The following CTNNA2 variants were observed in gnomAD, a reference collection of about 807,000 sequenced individuals.
CTNNA2 encodes catenin alpha-2.
In CTNNA2, 42 loss-of-function variants were observed where a neutral mutation model predicts 101.0. That is an observed-to-expected ratio of 0.42 (90% CI 0.32 to 0.54). CTNNA2 has a LOEUF of 0.54. CTNNA2 is among the 20% of genes least tolerant of loss of function. The pLI is 0.14. For synonymous variants in CTNNA2, 450 were observed against 456.4 expected, an observed-to-expected ratio of 0.99 and a Z score of 0.18; for missense variants, 871 against 1,223.1, an observed-to-expected ratio of 0.71 and a Z score of 4.29.
chr2:79,358,543 G>C (rs1439830968), intron 3 of CTNNA2, among the ~76,000 whole-genome samples: 1 of 152,078 alleles, frequency 6.6e-6, no homozygotes, highest in East Asian at 1.9e-4. Context: ...TATCTGTAAA[G>C]AAACAAGCAT....
At chr2:79,626,507 A>T (rs1679312559) in intron 1 of CTNNA2, among the ~76,000 whole-genome samples, 1 of 152,108 alleles carries the variant, frequency 6.6e-6, no homozygotes, top group Non-Finnish European at 1.5e-5. Flanking sequence ...GCTCTGTGCA[A>T]ATTTAACCAA....
intron 7 of CTNNA2, among the ~76,000 whole-genome samples, chr2:80,027,646 G>T (rs950202700): frequency 4.6e-5 from 7 of 152,016 alleles, no homozygotes; most frequent in Non-Finnish European, 1.0e-4. Flanking sequence ...ATCAGATTTG[G>T]AGTACCATTA....
At chr2:80,611,007 T>C (rs1036320324) in intron 17 of CTNNA2, among the ~76,000 whole-genome samples, 3 of 89,706 alleles carry the variant, frequency 3.3e-5, no homozygotes, top group Non-Finnish European at 6.0e-5. Flanking sequence ...GGCAATTAGG[T>C]TTTTTTTTTT....
At chr2:79,439,798 C>G (rs1284837503) in intron 4 of CTNNA2, among the ~76,000 whole-genome samples, 1 of 152,058 alleles carries the variant, frequency 6.6e-6, no homozygotes, top group African/African-American at 2.4e-5. Context: ...GCACCCCAGA[C>G]CTACTAAATC....
intron 7 of CTNNA2, among the ~76,000 whole-genome samples, chr2:80,056,322 T>C (rs148850618): frequency 6.6e-6 from 1 of 152,288 alleles, no homozygotes; most frequent in African/African-American, 2.4e-5. Context: ...TTACACAATT[T>C]CCTTCACACC....
intron 9 of CTNNA2, among the ~76,000 whole-genome samples, chr2:80,439,293 A>T (rs184038218): frequency 6.6e-6 from 1 of 152,302 alleles, no homozygotes; most frequent in East Asian, 1.9e-4. Context: ...CTGCATTTTA[A>T]TGTTAGGATA....
chr2:79,326,669 G>C (rs1036728078), intron 3 of CTNNA2, among the ~76,000 whole-genome samples: 1 of 152,104 alleles, frequency 6.6e-6, no homozygotes, highest in African/African-American at 2.4e-5. Flanking sequence ...ATAGATCTCT[G>C]CAAAATGAAT....
intron 3 of CTNNA2, among the ~76,000 whole-genome samples, chr2:79,329,646 G>A (rs573238260): frequency 9.2e-5 from 14 of 152,128 alleles, no homozygotes; most frequent in East Asian, 5.8e-4. Context: ...CTATCCTCAC[G>A]AATTCCAGGC....
At chr2:79,708,243 G>A (rs1043904726) in intron 2 of CTNNA2, among the ~76,000 whole-genome samples, 2 of 152,176 alleles carry the variant, frequency 1.3e-5, no homozygotes, top group Non-Finnish European at 2.9e-5. Context: ...CCTTCTGAAA[G>A]CTGTAATAAA....
At chr2:80,427,767 T>C (rs929842225) in intron 9 of CTNNA2, among the ~76,000 whole-genome samples, 3 of 152,236 alleles carry the variant, frequency 2.0e-5, no homozygotes, top group African/African-American at 7.2e-5. Flanking sequence ...AGTAAATTGC[T>C]CTTCTCAATT....
At chr2:79,439,053 G>T (rs1012300293) in intron 4 of CTNNA2, among the ~76,000 whole-genome samples, 3 of 152,144 alleles carry the variant, frequency 2.0e-5, no homozygotes, top group Non-Finnish European at 4.4e-5. Context: ...ATAGGACCCA[G>T]TGAACATGTT....
At chr2:80,006,218 G>C (rs1007231262) in intron 7 of CTNNA2, among the ~76,000 whole-genome samples, 1 of 152,000 alleles carries the variant, frequency 6.6e-6, no homozygotes, top group Admixed American at 6.6e-5. Context: ...TGTTTCACCT[G>C]TACACACTTT....
intron 7 of CTNNA2, among the ~76,000 whole-genome samples, chr2:80,167,102 GA>G (rs541925660): frequency 1.3e-5 from 2 of 150,860 alleles, no homozygotes; most frequent in Admixed American, 1.3e-4. Flanking sequence ...GGAGGAATAG[GA>G]AAAAAAAGTA....
chr2:80,074,587 C>A (rs1375077294), intron 7 of CTNNA2, among the ~76,000 whole-genome samples: 2 of 152,082 alleles, frequency 1.3e-5, no homozygotes, highest in African/African-American at 4.8e-5. Context: ...AACACCTGAT[C>A]AAACAACCTG....
chr2:79,710,459 G>C (rs989286631), intron 2 of CTNNA2, among the ~76,000 whole-genome samples: 2 of 152,214 alleles, frequency 1.3e-5, no homozygotes, highest in African/African-American at 4.8e-5. Flanking sequence ...TTTGTAGGAA[G>C]AAATGTTATA....
At chr2:79,690,445 A>G (rs1410201556) in intron 2 of CTNNA2, among the ~76,000 whole-genome samples, 1 of 152,060 alleles carries the variant, frequency 6.6e-6, no homozygotes, top group Non-Finnish European at 1.5e-5. Flanking sequence ...AGCTTCATCC[A>G]TGTCCCTGCA....
At chr2:80,563,435 A>C (rs934379046) in intron 12 of CTNNA2, among the ~76,000 whole-genome samples, 2 of 152,226 alleles carry the variant, frequency 1.3e-5, no homozygotes, top group Admixed American at 1.3e-4. Context: ...TAATGAAAAA[A>C]TGGGAACCTT....
intron 3 of CTNNA2, among the ~76,000 whole-genome samples, chr2:79,806,010 AT>A (rs1251143349): frequency 1.3e-5 from 2 of 152,158 alleles, no homozygotes; most frequent in African/African-American, 4.8e-5. Context: ...TAGGTTAAAA[AT>A]TATCATTTCA....
intron 7 of CTNNA2, among the ~76,000 whole-genome samples, chr2:80,018,483 A>AATATT (rs1694307685): frequency 6.6e-6 from 1 of 152,168 alleles, no homozygotes. Flanking sequence ...AAATATTATA[A>AATATT]ATCAGGACCT....
Sources: gnomAD v4.1 joint callset for allele counts (sites outside exome capture counted in the v4.1 genomes callset) on GRCh38, gnomAD v4.1.1 for gene constraint, MANE v1.5 for transcripts, NCBI Gene and HGNC (gene_info 2026-07-23, HGNC 2026-07-21) for gene names.